Variants in MYBPC1 observed in about 807,000 individuals in gnomAD.
MYBPC1 encodes myosin-binding protein C, slow-type.
MYBPC1 carries 52 observed loss-of-function variants against 147.1 expected under a neutral mutation model. The ratio of observed to expected loss-of-function variants is 0.35; its 90% confidence interval spans 0.28 to 0.45. The LOEUF is 0.45. Ranked by LOEUF, MYBPC1 falls within the 20% of genes least tolerant of loss-of-function variation. The pLI is 1.00. For synonymous variants in MYBPC1, 477 were observed against 475.9 expected, an observed-to-expected ratio of 1.00 and a Z score of -0.03; for missense variants, 1,228 against 1,440.3, an observed-to-expected ratio of 0.85 and a Z score of 2.39.
Position 101,648,057 on chromosome 12 carries a change from T to C in MYBPC1, c.1103T>C (p.Met368Thr). Residue 368 changes from methionine to threonine, a missense_variant, in exon 14 of 32, where the codon ATG (methionine) becomes ACG (threonine). By Grantham distance (81) the Met-to-Thr change is moderately conservative. Transcript: ENST00000361466. The stretch of plus-strand genomic sequence containing the variant: ...TTTTGTATACTAGAGCCTCCAATTA[T>C]GGTGACCAAACAGCTGGAAGATACA... Reference protein sequence around the residue: ...TELFVREPPIMVTKQLEDTTA... With the variant: ...TELFVREPPITVTKQLEDTTA... 6.2e-7 allele frequency: 1 copy of C among 1,611,482 alleles called. No individual in the cohort carries two copies. The highest frequency in any genetic ancestry group is 8.5e-7 in the Non-Finnish European group (1 of 1,177,740).
Position 101,663,527 on chromosome 12 carries a change from G to A in MYBPC1, c.2323G>A (p.Asp775Asn). Residue 775 changes from aspartate to asparagine, a missense_variant, in exon 22 of 32, where the codon GAT becomes AAT. Asp to Asn is a conservative substitution (Grantham distance 23). Transcript: ENST00000361466. The part of the protein sequence containing the change: ...PPDHIGAAGL[D>N]GYVLEYCFEG... Reference sequence around the variant, plus strand: ...AGACCACATTGGTGCAGCAGGTTTAGATGGCTATGTGCTAGAGTATTGCTT... The same window carrying A: ...AGACCACATTGGTGCAGCAGGTTTAAATGGCTATGTGCTAGAGTATTGCTT... 6.2e-7 allele frequency: 1 copy of A among 1,614,128 alleles called. No individual in the cohort carries two copies. The highest frequency in any genetic ancestry group is 8.5e-7 in the Non-Finnish European group (1 of 1,180,026).
chr12:101,643,012 G>A (rs1892383249), intron 11 of MYBPC1, among the ~76,000 whole-genome samples: 1 of 152,060 alleles, frequency 6.6e-6, no homozygotes, highest in Non-Finnish European at 1.5e-5. Context: ...AAGCAGCTCC[G>A]TGGGGGTCTG....
Position 101,614,506 on chromosome 12 carries a change from G to GCCAGCC in MYBPC1, c.46_51dup (p.Ala16_Pro17dup). 6.2e-7 allele frequency: 1 copy of GCCAGCC among 1,613,790 alleles called. No individual in the cohort carries two copies. Among genetic ancestry groups the GCCAGCC allele is most frequent in the Non-Finnish European group, 8.5e-7 (1 of 1,179,944 alleles). Reference sequence around the variant, plus strand: ...TCTTTCCATTTCTAGAAAATGAAGTGCCAGCCCCAGCCCCACCCCCGGAAG... The same window carrying GCCAGCC: ...TCTTTCCATTTCTAGAAAATGAAGTGCCAGCCCCAGCCCCAGCCCCACCCCCGGAAG... On this transcript the variant is annotated inframe_insertion, in exon 2 of 32. Transcript: ENST00000361466.
chr12:101,688,866 T>C (rs1951382512), downstream of MYBPC1, among the ~76,000 whole-genome samples: 1 of 145,436 alleles, frequency 6.9e-6, no homozygotes, highest in East Asian at 2.0e-4. Flanking sequence ...TATATGAGAA[T>C]AGCTTAAACC....
At chr12:101,614,122 A>G (rs1355404295) in intron 1 of MYBPC1, among the ~76,000 whole-genome samples, 2 of 152,250 alleles carry the variant, frequency 1.3e-5, no homozygotes, top group East Asian at 3.9e-4. Flanking sequence ...ATTTCTCTAG[A>G]GGCAGGAAAA....
intron 21 of MYBPC1, among the ~76,000 whole-genome samples, 174 bp from the exon 22 acceptor site, chr12:101,663,252 T>C (rs1896880792): frequency 6.6e-6 from 1 of 152,224 alleles, no homozygotes; most frequent in Non-Finnish European, 1.5e-5. Context: ...ATTCTCACAT[T>C]GATCAGCTCT....
chr12:101,657,230 G>A (rs1273984023), intron 18 of MYBPC1, among the ~76,000 whole-genome samples: 1 of 152,036 alleles, frequency 6.6e-6, no homozygotes, highest in Admixed American at 6.5e-5. Flanking sequence ...GGAAATTAAT[G>A]GCAATGATTG....
downstream of MYBPC1, among the ~76,000 whole-genome samples, chr12:101,689,166 C>CTAA: frequency 6.6e-6 from 1 of 152,010 alleles, no homozygotes; most frequent in South Asian, 2.1e-4. Flanking sequence ...CAGGACTTAC[C>CTAA]ATATTACTTC....
At chr12:101,624,508 G>C (rs1285008545) in intron 3 of MYBPC1, among the ~76,000 whole-genome samples, 1 of 151,768 alleles carries the variant, frequency 6.6e-6, no homozygotes, top group Non-Finnish European at 1.5e-5. Context: ...TGTTTTTAGA[G>C]TCAGGGTCTT....
At position 101,624,501 on chromosome 12, in the gene MYBPC1, T is replaced by G. The variant is rs184552893; in HGVS notation, c.104-2371T>G. The stretch of plus-strand genomic sequence containing the variant: ...TATTCTAGTTTGCTTTTGTTTTTGT[T>G]TTTAGAGTCAGGGTCTTGCTGTGTC... On this transcript the variant is annotated intron_variant, in intron 3 of 31. Transcript: ENST00000361466. Among the ~76,000 whole-genome samples, 16 of 152,100 alleles carry G rather than the reference T, an allele frequency of 1.1e-4. No individual in the cohort carries two copies. In the East Asian group the frequency reaches 3.1e-3, roughly 29 times the overall value.
intron 22 of MYBPC1, among the ~76,000 whole-genome samples, chr12:101,667,446 T>C (rs987777683): frequency 3.3e-5 from 5 of 152,356 alleles, no homozygotes; most frequent in African/African-American, 1.2e-4. Context: ...TGTGGACAGT[T>C]ACTATTATTC....
chr12:101,629,281 T>G (rs1174034614), intron 5 of MYBPC1, 153 bp from the exon 6 acceptor site: 1 of 685,758 alleles, frequency 1.5e-6, no homozygotes, highest in Non-Finnish European at 2.7e-6. Flanking sequence ...CCTCTACTGA[T>G]GGCTGCTGGG....
At chr12:101,648,713 G>A (rs529572064) in intron 14 of MYBPC1, among the ~76,000 whole-genome samples, 1 of 152,294 alleles carries the variant, frequency 6.6e-6, no homozygotes, top group Admixed American at 6.5e-5. Flanking sequence ...AATTTAGACT[G>A]AGAATCACCA....
intron 1 of MYBPC1, among the ~76,000 whole-genome samples, chr12:101,601,187 A>C (rs1450252976): frequency 6.6e-6 from 1 of 152,224 alleles, no homozygotes; most frequent in Non-Finnish European, 1.5e-5. Flanking sequence ...TTAATTTTCT[A>C]CATGTATGCA....
intron 10 of MYBPC1, among the ~76,000 whole-genome samples, chr12:101,639,950 A>T (rs12317556): frequency 2.0e-3 from 298 of 152,204 alleles, no homozygotes; most frequent in African/African-American, 6.8e-3. Flanking sequence ...AAAATAGAGC[A>T]CTAATAATCT....
intron 1 of MYBPC1, among the ~76,000 whole-genome samples, chr12:101,599,645 A>G (rs529636331): frequency 6.6e-6 from 1 of 152,178 alleles, no homozygotes; most frequent in Non-Finnish European, 1.5e-5. Flanking sequence ...CTTACCTCAA[A>G]TTGGGGAAAG....
intron 1 of MYBPC1, 130 bp downstream of exon 1, chr12:101,595,225 T>A (rs144414099): frequency 1.1e-4 from 98 of 875,156 alleles, no homozygotes; most frequent in Non-Finnish European, 1.7e-4. Context: ...AAGGAAACGA[T>A]CTTTTAGATT....
intron 18 of MYBPC1, among the ~76,000 whole-genome samples, chr12:101,653,792 A>G (rs575018949): frequency 5.8e-4 from 88 of 152,220 alleles, no homozygotes; most frequent in Non-Finnish European, 1.1e-3. Flanking sequence ...TGGCTGGGGC[A>G]AAGTGAATGA....
intron 15 of MYBPC1, among the ~76,000 whole-genome samples, chr12:101,650,483 G>C (rs1423099352): frequency 6.6e-6 from 1 of 152,132 alleles, no homozygotes; most frequent in Non-Finnish European, 1.5e-5. Flanking sequence ...GCAGCAAGGA[G>C]AAGTACCAAG....
Sources: allele counts gnomAD v4.1 joint callset (sites outside exome capture counted in the v4.1 genomes callset), GRCh38; gene constraint gnomAD v4.1.1; transcripts MANE v1.5; gene names NCBI Gene and HGNC (gene_info 2026-07-23, HGNC 2026-07-21).